The following ADGRV1 variants were observed in gnomAD, a reference collection of about 807,000 sequenced individuals.
ADGRV1 encodes the protein G-protein coupled receptor 98.
Under a neutral mutation model 596.2 loss-of-function variants are expected in ADGRV1, and 359 were observed. The observed-to-expected ratio is 0.60, with a 90% CI of 0.55 to 0.66. ADGRV1 has a LOEUF of 0.66. ADGRV1 is among the 30% of genes least tolerant of loss of function. The pLI is 0.00. For missense variants in ADGRV1, 7,274 were observed against 7,575.6 expected, an observed-to-expected ratio of 0.96 and a Z score of 1.48; for synonymous variants, 2,681 against 2,679.2, an observed-to-expected ratio of 1.00 and a Z score of -0.02.
intron 83 of ADGRV1, among the ~76,000 whole-genome samples, chr5:90,915,505 A>G (rs1359453965): frequency 6.6e-6 from 1 of 152,138 alleles, no homozygotes; most frequent in Non-Finnish European, 1.5e-5. Context: ...AAGCTTGTTT[A>G]TTTGTTTTTC....
At chr5:90,929,089 GTC>G (rs879571430) in intron 83 of ADGRV1, among the ~76,000 whole-genome samples, 1,657 of 151,732 alleles carry the variant, frequency 0.011, 37 homozygotes, top group Admixed American at 0.063. Flanking sequence ...CTTTTTGTTT[GTC>G]TGTGCCCTGC....
chr5:90,747,850 A>T (rs1754800339), intron 52 of ADGRV1, among the ~76,000 whole-genome samples: 2 of 152,202 alleles, frequency 1.3e-5, no homozygotes, highest in African/African-American at 4.8e-5. Context: ...CTTTAAGGAT[A>T]GCAGTCAGGT....
rs913884323 is a variant in ADGRV1, at chr5:90,986,213, C to T, written c.18152+691C>T. 3.2e-4 allele frequency among the ~76,000 whole-genome samples: 48 copies of T among 150,906 alleles called. 1 individual carries two copies. The Middle Eastern group carries it at 0.01, about 33-fold the overall frequency. On this transcript the variant is annotated intron_variant, in intron 85 of 89. Transcript: ENST00000405460. ...GCTCCACATGTAGGGGGTGGAAAAA[C>T]ACTTTGCAATAATAAAGCTCAACCA...
intron 67 of ADGRV1, among the ~76,000 whole-genome samples, chr5:90,786,368 G>A (rs1365501559): frequency 6.6e-6 from 1 of 152,190 alleles, no homozygotes; most frequent in South Asian, 2.1e-4. Context: ...CCTGCACGTT[G>A]TGCACATGTA....
intron 83 of ADGRV1, among the ~76,000 whole-genome samples, chr5:90,894,352 A>G (rs932393211): frequency 3.8e-4 from 58 of 151,986 alleles, no homozygotes; most frequent in African/African-American, 1.4e-3. Context: ...GTTACTTATC[A>G]CTTTATGACA....
intron 50 of ADGRV1, 108 bp from the exon 51 acceptor site, chr5:90,744,938 C>A: frequency 1.4e-6 from 1 of 731,392 alleles, no homozygotes. Flanking sequence ...TCAGAAATCA[C>A]AATGGAACTT....
intron 83 of ADGRV1, among the ~76,000 whole-genome samples, chr5:90,931,510 C>G (rs1036692365): frequency 2.6e-5 from 4 of 152,146 alleles, no homozygotes; most frequent in African/African-American, 9.7e-5. Flanking sequence ...ACAAATTTCA[C>G]TAGGTAAAAT....
At chr5:90,795,868 G>T (rs1201748622) in intron 70 of ADGRV1, among the ~76,000 whole-genome samples, 2 of 152,158 alleles carry the variant, frequency 1.3e-5, no homozygotes, top group Non-Finnish European at 1.5e-5. Flanking sequence ...GGTCTGGAGT[G>T]GACCTCCAGC....
chr5:90,966,728 A>G (rs1262586369), intron 84 of ADGRV1, among the ~76,000 whole-genome samples: 1 of 152,112 alleles, frequency 6.6e-6, no homozygotes, highest in African/African-American at 2.4e-5. Context: ...CCTTTTCTAA[A>G]TAAAATCCCA....
In ADGRV1 at chr5:90,955,528, G is replaced by A. The variant is rs530588581; in HGVS notation, c.17857-9887G>A. On this transcript the variant is annotated intron_variant, in intron 83 of 89. Transcript: ENST00000405460. ...GGCTCTGGAATCAGGCATGTGGCAAGCACACAGAATATATTTGTTGATGGA... is the reference window on the plus strand; with the variant it reads ...GGCTCTGGAATCAGGCATGTGGCAAACACACAGAATATATTTGTTGATGGA... Among the ~76,000 whole-genome samples the A allele has an allele frequency of 1.5e-3, 222 of 152,262 alleles. 1 individual carries two copies. Among genetic ancestry groups the A allele is most frequent in the South Asian group, 8.9e-3 (43 of 4,828 alleles).
intron 87 of ADGRV1, among the ~76,000 whole-genome samples, chr5:91,130,961 A>G (rs753560271): frequency 6.6e-6 from 1 of 152,228 alleles, no homozygotes; most frequent in Non-Finnish European, 1.5e-5. Flanking sequence ...TCCATTTTTT[A>G]TGGCTGCATA....
At chr5:90,818,387 C>G (rs1387706497) in intron 75 of ADGRV1, among the ~76,000 whole-genome samples, 2 of 149,764 alleles carry the variant, frequency 1.3e-5, no homozygotes, top group Non-Finnish European at 3.0e-5. Flanking sequence ...TCCTCTTTTC[C>G]TAATTGAATA....
chr5:90,653,782 T>C lies in ADGRV1; in HGVS notation c.4208T>C (p.Leu1403Ser). 4 of 1,613,478 alleles carry C rather than the reference T, an allele frequency of 2.5e-6. No individual in the cohort carries two copies. The highest frequency in any genetic ancestry group is 3.4e-6 in the Non-Finnish European group (4 of 1,179,684). Reference sequence around the variant, plus strand: ...ACACTTTCCCTTCATTATAAAACCTTGGGTTCCAATGCTACATACATTGCC... The same window carrying C: ...ACACTTTCCCTTCATTATAAAACCTCGGGTTCCAATGCTACATACATTGCC... ...HVTLSLHYKT[L>S]GSNATYIAKT... The change falls in exon 20 of 90, where the codon TTG becomes TCG. Residue 1403 changes from leucine (L) to serine (S), a missense_variant. Leu to Ser is a moderately radical substitution (Grantham distance 145). This residue lies in a region of ADGRV1 where 1,715 missense variants were observed against 1,708.8 expected (regional missense o/e 1.00). Coordinates refer to ENST00000405460, the MANE Select transcript of ADGRV1 (RefSeq NM_032119.4).
chr5:90,879,978 A>G (rs906029998), intron 83 of ADGRV1, among the ~76,000 whole-genome samples: 1 of 151,950 alleles, frequency 6.6e-6, no homozygotes, highest in Non-Finnish European at 1.5e-5. Flanking sequence ...AATAATTAAT[A>G]ATTATTTTAA....
At chr5:90,960,664 A>G (rs1363518594) in intron 83 of ADGRV1, among the ~76,000 whole-genome samples, 1 of 152,206 alleles carries the variant, frequency 6.6e-6, no homozygotes. Context: ...TGCCGTGATC[A>G]GAGTAAGCAG....
At chr5:90,729,210 C>T (rs962396236) in intron 49 of ADGRV1, among the ~76,000 whole-genome samples, 3 of 152,038 alleles carry the variant, frequency 2.0e-5, no homozygotes, top group Non-Finnish European at 4.4e-5. Context: ...ATATTTTATA[C>T]GCAGGATGCA....
chr5:90,684,292 A>G, intron 28 of ADGRV1, 97 bp downstream of exon 28: 1 of 1,154,620 alleles, frequency 8.7e-7, no homozygotes, highest in African/African-American at 1.6e-5. Context: ...TATAAAAAGT[A>G]GTAAACTCTA....
At chr5:90,860,768 A>G (rs1483789720) in intron 82 of ADGRV1, among the ~76,000 whole-genome samples, 2 of 151,694 alleles carry the variant, frequency 1.3e-5, no homozygotes, top group Non-Finnish European at 2.9e-5. Flanking sequence ...GGATTTAATA[A>G]TGAAATAATG....
chr5:90,895,266 C>T (rs1771200294), intron 83 of ADGRV1, among the ~76,000 whole-genome samples: 1 of 152,050 alleles, frequency 6.6e-6, no homozygotes, highest in Non-Finnish European at 1.5e-5. Flanking sequence ...AAAGTAAATA[C>T]CTTGGCATTT....
Sources: gnomAD v4.1 joint callset for allele counts (sites outside exome capture counted in the v4.1 genomes callset) on GRCh38, gnomAD v4.1.1 for gene constraint, gnomAD v4.1.1 regional missense constraint, MANE v1.5 for transcripts, NCBI Gene and HGNC (gene_info 2026-07-23, HGNC 2026-07-21) for gene names.